PLBD1: variants seen among roughly 807,000 people sequenced by gnomAD.
PLBD1 encodes lysosomal leucine aminopeptidase.
PLBD1 carries 60 observed loss-of-function variants against 63.0 expected under a neutral mutation model. The observed-to-expected ratio is 0.95, with a 90% CI of 0.77 to 1.18. The LOEUF (loss-of-function observed/expected upper bound fraction) is 1.18. PLBD1 is among the 50% of genes most tolerant of loss of function. PLBD1 has a pLI of 0.00. For missense variants in PLBD1, 598 were observed against 677.9 expected, an observed-to-expected ratio of 0.88 and a Z score of 1.31; for synonymous variants, 262 against 248.0, an observed-to-expected ratio of 1.06 and a Z score of -0.53.
At chr12:14,548,099 G>A (rs1049561905) in intron 2 of PLBD1, among the ~76,000 whole-genome samples, 8 of 152,098 alleles carry the variant, frequency 5.3e-5, no homozygotes, top group African/African-American at 1.7e-4. Context: ...GATTATCATC[G>A]TCATTGGTAT....
chr12:14,560,436 A>C (rs897563716), intron 1 of PLBD1, among the ~76,000 whole-genome samples: 2 of 152,216 alleles, frequency 1.3e-5, no homozygotes, highest in Non-Finnish European at 2.9e-5. Flanking sequence ...AAAATAGAAA[A>C]AAATTAAAAT....
intron 6 of PLBD1, among the ~76,000 whole-genome samples, chr12:14,516,066 C>T (rs1945334479): frequency 6.6e-6 from 1 of 151,708 alleles, no homozygotes; most frequent in Non-Finnish European, 1.5e-5. Context: ...CACGGTGGCT[C>T]ACGCCTGTAA....
chr12:14,539,397 TTATTTATCATCTATATATAATA>T (rs1327335662), intron 4 of PLBD1, among the ~76,000 whole-genome samples: 2 of 151,814 alleles, frequency 1.3e-5, no homozygotes, highest in Non-Finnish European at 2.9e-5. Flanking sequence ...TGCCTCTCTA[TTATTTATCATCTATATATAATA>T]TATTTATCAT....
chr12:14,520,720 T>C (rs1056481717), intron 6 of PLBD1, among the ~76,000 whole-genome samples: 1 of 152,186 alleles, frequency 6.6e-6, no homozygotes, highest in African/African-American at 2.4e-5. Context: ...CCACTTCGTC[T>C]TCCCAGTCAA....
At chr12:14,512,843 C>T (rs1945308796) in intron 6 of PLBD1, among the ~76,000 whole-genome samples, 1 of 152,166 alleles carries the variant, frequency 6.6e-6, no homozygotes, top group African/African-American at 2.4e-5. Flanking sequence ...TAGCCCCTTC[C>T]ACTATGTGAG....
chr12:14,506,091 C>T, intron 10 of PLBD1, 71 bp downstream of exon 10: 3 of 1,023,688 alleles, frequency 2.9e-6, no homozygotes, highest in Non-Finnish European at 4.3e-6. Context: ...CCATAAAAAC[C>T]TGTGCAACTT....
intron 2 of PLBD1, among the ~76,000 whole-genome samples, 156 bp downstream of exon 2, chr12:14,553,037 C>G (rs113028918): frequency 1.3e-5 from 2 of 152,162 alleles, no homozygotes; most frequent in African/African-American, 4.8e-5. Flanking sequence ...GCCTCACCCC[C>G]GCAAAAATGC....
At chr12:14,527,816 C>CA (rs5796598) in intron 6 of PLBD1, among the ~76,000 whole-genome samples, 145,151 of 146,518 alleles carry the variant, frequency 0.99, 71,897 homozygotes, top group Middle Eastern at 1. Context: ...TATGAAATGA[C>CA]AAAAAAAAAA....
intron 6 of PLBD1, chr12:14,533,260 A>G (rs561837391): frequency 1.3e-5 from 2 of 152,330 alleles, no homozygotes; most frequent in African/African-American, 4.8e-5. Context: ...GAGACTGCAC[A>G]TGTTTTCCTG....
intron 6 of PLBD1, among the ~76,000 whole-genome samples, chr12:14,518,736 T>C (rs1367995192): frequency 1.3e-5 from 2 of 152,170 alleles, no homozygotes; most frequent in Non-Finnish European, 2.9e-5. Context: ...TCAATGATTA[T>C]AATATGCAAG....
intron 1 of PLBD1, among the ~76,000 whole-genome samples, chr12:14,559,403 A>G (rs1945730036): frequency 2.0e-5 from 3 of 152,282 alleles, no homozygotes; most frequent in Middle Eastern, 6.8e-3. Flanking sequence ...ATCACAGCTC[A>G]CTACAGAGTG....
intron 6 of PLBD1, among the ~76,000 whole-genome samples, chr12:14,529,151 C>T (rs1945440296): frequency 6.6e-6 from 1 of 152,008 alleles, no homozygotes; most frequent in South Asian, 2.1e-4. Flanking sequence ...GCTATGTTCA[C>T]ACCACTGTAC....
Position 14,505,896 on chromosome 12 carries a change from C to G in PLBD1, c.1479+266G>C, listed in dbSNP as rs1040954984. On this transcript the variant is annotated intron_variant, in intron 10 of 10. Coordinates refer to ENST00000240617, the MANE Select transcript of PLBD1 (RefSeq NM_024829.6). ...GAGATTAAAGCCTTATTCTTCAGAACAACATATGAGGTAAGTACTGTTATA... is the reference window on the plus strand; with the variant it reads ...GAGATTAAAGCCTTATTCTTCAGAAGAACATATGAGGTAAGTACTGTTATA... Among the ~76,000 whole-genome samples the G allele has an allele frequency of 2.0e-5, 3 of 152,178 alleles. No homozygotes were observed. The East Asian group carries it at 5.8e-4, about 29-fold the overall frequency.
chr12:14,534,543 C>CT lies in PLBD1; in HGVS notation c.844+1115dup, dbSNP rs1286445435. Among the ~76,000 whole-genome samples, 598 of 137,786 alleles carry CT rather than the reference C, an allele frequency of 4.3e-3. 6 individuals are homozygous for CT. The highest frequency in any genetic ancestry group is 6.1e-3 in the African/African-American group (218 of 35,974). The allele number at this position is 137,786 out of a possible 152,430, so 90.4% of individuals were successfully genotyped here. On this transcript the variant is annotated intron_variant, in intron 6 of 10. Transcript: ENST00000240617. ...TTGTTTCCACTTTCTCTTTTCTTTT[C>CT]TTTTTTTTTTTTTTTTTTGAGACGG...
chr12:14,567,802 C>T lies in PLBD1; in HGVS notation c.-106G>A, dbSNP rs11829084. 0.016 allele frequency: 21,291 copies of T among 1,321,782 alleles called. 317 individuals carry two copies. Among genetic ancestry groups the T allele is most frequent in the African/African-American group, 0.075 (4,829 of 64,274 alleles). The allele number at this position is 1,321,782 out of a possible 1,614,324, so 81.9% of individuals were successfully genotyped here. A position where few individuals can be genotyped will look rare whatever the true frequency, so the allele number is the denominator to read the frequency against. On this transcript the variant is annotated 5_prime_UTR_variant, in exon 1 of 11. Coordinates refer to ENST00000240617, the MANE Select transcript of PLBD1 (RefSeq NM_024829.6). ...TGGCCTACTCAGGGGCGCCGCCTCT[C>T]CGAGGTGGGGCGTCCTCAACTTTCC...
chr12:14,555,462 G>T (rs1171364753), intron 1 of PLBD1, among the ~76,000 whole-genome samples: 1 of 152,132 alleles, frequency 6.6e-6, no homozygotes, highest in Non-Finnish European at 1.5e-5. Context: ...GCTTGAACCC[G>T]GGAGGCAGAG....
intron 1 of PLBD1, among the ~76,000 whole-genome samples, chr12:14,561,312 G>C (rs776027122): frequency 6.6e-6 from 1 of 152,000 alleles, no homozygotes; most frequent in African/African-American, 2.4e-5. Context: ...GTCACTGGCA[G>C]CTGAAATCAG....
At chr12:14,536,444 C>T in intron 5 of PLBD1, 126 bp downstream of exon 5, 2 of 993,732 alleles carry the variant, frequency 2.0e-6, no homozygotes, top group Non-Finnish European at 3.0e-6. Flanking sequence ...TAACTTCTAC[C>T]ATTGAAGAAC....
At chr12:14,505,852 CT>C (rs2136901951) in intron 10 of PLBD1, among the ~76,000 whole-genome samples, 1 of 152,306 alleles carries the variant, frequency 6.6e-6, no homozygotes, top group South Asian at 2.1e-4. Context: ...TCACTAAGTG[CT>C]GTTGTAAACA....
Sources: allele counts gnomAD v4.1 joint callset (sites outside exome capture counted in the v4.1 genomes callset), GRCh38; gene constraint gnomAD v4.1.1; transcripts MANE v1.5; gene names NCBI Gene and HGNC (gene_info 2026-07-23, HGNC 2026-07-21).